The following GREB1 variants were observed in gnomAD, a reference collection of about 807,000 sequenced individuals.
GREB1 encodes the protein protein GREB1.
A neutral mutation model predicts 200.7 loss-of-function variants in GREB1; 106 were observed. That is an observed-to-expected ratio of 0.53 (90% CI 0.45 to 0.62). The LOEUF (loss-of-function observed/expected upper bound fraction) is 0.62. Among genes scored for constraint, GREB1 ranks in the 20% least tolerant of loss-of-function variants. The pLI is 0.00. For missense variants in GREB1, 2,243 were observed against 2,556.8 expected (o/e 0.88, Z 2.65); for synonymous variants, 1,132 against 1,092.4 (o/e 1.04, Z -0.72).
intron 26 of GREB1, among the ~76,000 whole-genome samples, 180 bp from the exon 27 acceptor site, chr2:11,631,729 A>G (rs1460302593): frequency 6.6e-6 from 1 of 152,226 alleles, no homozygotes; most frequent in African/African-American, 2.4e-5. Context: ...TATGCCCAGG[A>G]CTGGCACAAG....
intron 30 of GREB1, among the ~76,000 whole-genome samples, chr2:11,637,152 G>T (rs1685446719): frequency 6.6e-6 from 1 of 152,118 alleles, no homozygotes; most frequent in Admixed American, 6.5e-5. Flanking sequence ...GAGGAGGTCG[G>T]TATGGAGGAA....
At position 11,635,640 on chromosome 2, in the gene GREB1, G is replaced by A. The variant is rs377054267; in HGVS notation, c.5346+235G>A. On this transcript the variant is annotated intron_variant, in intron 30 of 32. Coordinates refer to ENST00000381486, the MANE Select transcript of GREB1 (RefSeq NM_014668.4). ...TCCTGCAAGCTTCCTCTGGGTGCAA[G>A]GCTACAACCAAGCCTTCCTGTGTGT... 7.0e-4 allele frequency among the ~76,000 whole-genome samples: 106 copies of A among 152,266 alleles called. 2 individuals carry two copies. In the South Asian group the frequency reaches 0.018, roughly 27 times the overall value.
intron 2 of GREB1, among the ~76,000 whole-genome samples, chr2:11,559,137 C>A (rs1308017474): frequency 6.6e-6 from 1 of 152,168 alleles, no homozygotes; most frequent in African/African-American, 2.4e-5. Flanking sequence ...ACATTAAAAG[C>A]AGTAGCCTTG....
chr2:11,611,651 T>TC (rs1682938204), intron 18 of GREB1, among the ~76,000 whole-genome samples: 1 of 152,034 alleles, frequency 6.6e-6, no homozygotes, highest in Non-Finnish European at 1.5e-5. Context: ...GAAGCCACCC[T>TC]CCCCCTCTGC....
Position 11,592,954 on chromosome 2 carries a change from C to G in GREB1, c.1524C>G (p.Ala508=), listed in dbSNP as rs772849745. ...AGCTGCCCTGGCTGGCCAGCCTGGCCGCCAGCTCCTGCAACGACAGCGTGC... is the reference window on the plus strand; with the variant it reads ...AGCTGCCCTGGCTGGCCAGCCTGGCGGCCAGCTCCTGCAACGACAGCGTGC... ...SAQLPWLASL[A]ASSCNDSVHV... The change falls in exon 11 of 33, where the codon GCC becomes GCG. Residue 508 remains alanine (A), a synonymous_variant. Transcript: ENST00000381486. 2.0e-5 allele frequency: 31 copies of G among 1,589,518 alleles called. No homozygotes were observed. Among genetic ancestry groups the G allele is most frequent in the Non-Finnish European group, 2.6e-5 (30 of 1,167,208 alleles).
In GREB1 at chr2:11,556,782, C is replaced by T; in HGVS notation, c.157+11C>T. 1 of 1,611,302 alleles carries T rather than the reference C, an allele frequency of 6.2e-7. No homozygotes were observed. Among genetic ancestry groups the T allele is most frequent in the African/African-American group, 1.3e-5 (1 of 74,978 alleles). On this transcript the variant is annotated intron_variant, in intron 2 of 32. Coordinates refer to ENST00000381486, the MANE Select transcript of GREB1 (RefSeq NM_014668.4). ...TTGCCGCTCTAGAAGGTGGGAGACG[C>T]ACGTTGCTTTTATCTGTGTATTTCT...
intron 22 of GREB1, among the ~76,000 whole-genome samples, chr2:11,620,383 G>T (rs187246012): frequency 6.6e-6 from 1 of 152,182 alleles, no homozygotes; most frequent in Non-Finnish European, 1.5e-5. Flanking sequence ...AGGTATGCTA[G>T]CCTGAAGCTG....
chr2:11,490,651 T>C (rs1489721763), intron 1 of GREB1, among the ~76,000 whole-genome samples: 2 of 152,158 alleles, frequency 1.3e-5, no homozygotes, highest in African/African-American at 4.8e-5. Flanking sequence ...AAGGTTCAAG[T>C]GATTCTCCTC....
chr2:11,582,110 G>T (rs1242183310), intron 7 of GREB1, among the ~76,000 whole-genome samples: 10 of 152,198 alleles, frequency 6.6e-5, no homozygotes, highest in Non-Finnish European at 1.3e-4. Context: ...TGGACCTCTG[G>T]GGATGAGGAT....
At position 11,629,309 on chromosome 2, in the gene GREB1, A is replaced by C. The variant is rs1684699504; in HGVS notation, c.4450-639A>C. Among the ~76,000 whole-genome samples the C allele has an allele frequency of 6.6e-6, 1 of 152,168 alleles. No individual in the cohort carries two copies. Among genetic ancestry groups the C allele is most frequent in the Non-Finnish European group, 1.5e-5 (1 of 68,026 alleles). ...AGGTCACACCCAGAGCAGCACGTGC[A>C]CAGATGTGGGGTGTGAGGCTCCTGG... On this transcript the variant is annotated intron_variant, in intron 25 of 32. Coordinates refer to ENST00000381486, the MANE Select transcript of GREB1 (RefSeq NM_014668.4). This position sits in a 1 kb window ranked among gnomAD's most constrained non-coding sequence, Gnocchi z 5.2.
intron 1 of GREB1, among the ~76,000 whole-genome samples, chr2:11,534,907 G>T (rs1330762542): frequency 2.0e-5 from 3 of 152,146 alleles, no homozygotes; most frequent in Non-Finnish European, 4.4e-5. Context: ...GTCCACAGGG[G>T]GCGCTGGTGT....
At chr2:11,483,214 T>C (rs1249689423) in intron 1 of GREB1, among the ~76,000 whole-genome samples, 3 of 149,984 alleles carry the variant, frequency 2.0e-5, no homozygotes, top group South Asian at 2.1e-4. Flanking sequence ...TGGGCGCGCG[T>C]GTGTGTGGGG....
At position 11,636,452 on chromosome 2, in the gene GREB1, C is replaced by T. The variant is rs189179917; in HGVS notation, c.5346+1047C>T. Among the ~76,000 whole-genome samples, 323 of 152,300 alleles carry T rather than the reference C, an allele frequency of 2.1e-3. 2 individuals are homozygous for T. Among genetic ancestry groups the T allele is most frequent in the Admixed American group, 4.8e-3 (74 of 15,298 alleles). ...ATTGGTTATGCATAAGAAAGCTAGT[C>T]ATGTCTTACAGTCTTTCATGTGAGT... On this transcript the variant is annotated intron_variant, in intron 30 of 32. Coordinates refer to ENST00000381486, the MANE Select transcript of GREB1 (RefSeq NM_014668.4).
At chr2:11,529,192 G>A (rs1572596964), upstream of GREB1, among the ~76,000 whole-genome samples, 1 of 152,132 alleles carries the variant, frequency 6.6e-6, no homozygotes, top group East Asian at 1.9e-4. Flanking sequence ...GCAGTAAAAA[G>A]ACACATTGGA....
chr2:11,495,347 G>T (rs1672857055), intron 1 of GREB1, among the ~76,000 whole-genome samples: 1 of 152,088 alleles, frequency 6.6e-6, no homozygotes, highest in African/African-American at 2.4e-5. Context: ...TACTAACTGG[G>T]TGGGACTATA....
chr2:11,621,417 C>T (rs1684005786), intron 23 of GREB1, among the ~76,000 whole-genome samples: 1 of 152,224 alleles, frequency 6.6e-6, no homozygotes, highest in South Asian at 2.1e-4. Flanking sequence ...ACTTACCCCT[C>T]AGGAGAGGTT....
chr2:11,599,779 C>G (rs192260523), intron 15 of GREB1, among the ~76,000 whole-genome samples: 1,626 of 152,186 alleles, frequency 0.011, 59 homozygotes, highest in Admixed American at 0.081. Context: ...CTCGGCCTCC[C>G]AAAGTGCTGG....
chr2:11,545,324 G>A (rs981960555), intron 1 of GREB1, among the ~76,000 whole-genome samples: 7 of 151,872 alleles, frequency 4.6e-5, no homozygotes, highest in African/African-American at 1.7e-4. Flanking sequence ...GCAGAGACGG[G>A]TTGCATCATG....
chr2:11,587,490 C>A (rs761647915), intron 9 of GREB1: 3 of 1,605,984 alleles, frequency 1.9e-6, no homozygotes, highest in Admixed American at 3.4e-5. Context: ...GAATCAGAAT[C>A]AGGCCCCACT....
Sources: gnomAD v4.1 joint callset for allele counts (sites outside exome capture counted in the v4.1 genomes callset) on GRCh38, gnomAD v4.1.1 for gene constraint, Gnocchi (gnomAD v3.1) non-coding constraint, MANE v1.5 for transcripts, NCBI Gene and HGNC (gene_info 2026-07-23, HGNC 2026-07-21) for gene names.